CACNA2D3: variants seen among roughly 807,000 people sequenced by gnomAD.
CACNA2D3 encodes the protein calcium voltage-gated channel auxiliary subunit alpha2delta 3.
In CACNA2D3, 60 loss-of-function variants were observed where a neutral mutation model predicts 160.6. The ratio of observed to expected loss-of-function variants is 0.37; its 90% CI spans 0.30 to 0.46. The LOEUF (loss-of-function observed/expected upper bound fraction) is 0.46. Among genes scored for constraint, CACNA2D3 ranks in the 20% least tolerant of loss-of-function variants. The pLI is 1.00. For synonymous variants in CACNA2D3, 558 were observed against 492.9 expected (o/e 1.13, Z -1.75); for missense variants, 1,205 against 1,365.0 (o/e 0.88, Z 1.85).
chr3:54,127,538 A>T (rs1425111198), intron 2 of CACNA2D3, among the ~76,000 whole-genome samples: 1 of 152,224 alleles, frequency 6.6e-6, no homozygotes, highest in Admixed American at 6.5e-5. Flanking sequence ...TGGGAAGCCC[A>T]GCACTCTTCA....
At chr3:54,717,771 G>A (rs908726414) in intron 11 of CACNA2D3, among the ~76,000 whole-genome samples, 2 of 85,126 alleles carry the variant, frequency 2.3e-5, no homozygotes, top group African/African-American at 8.0e-5. Flanking sequence ...CGTGTGTGTG[G>A]TGTGTGTGCA....
At chr3:54,245,855 G>T (rs1702063911) in intron 2 of CACNA2D3, among the ~76,000 whole-genome samples, 1 of 152,218 alleles carries the variant, frequency 6.6e-6, no homozygotes, top group African/African-American at 2.4e-5. Context: ...TTTTAAAAGA[G>T]TGTATTGTCA....
intron 2 of CACNA2D3, among the ~76,000 whole-genome samples, chr3:54,257,656 A>G (rs1356197290): frequency 6.6e-6 from 1 of 152,172 alleles, no homozygotes; most frequent in Non-Finnish European, 1.5e-5. Flanking sequence ...TTTGTGAAAG[A>G]GGGAGTTTGC....
At chr3:54,557,436 A>G (rs1702258084) in intron 5 of CACNA2D3, among the ~76,000 whole-genome samples, 1 of 152,240 alleles carries the variant, frequency 6.6e-6, no homozygotes. Flanking sequence ...CTGGACACCA[A>G]AGAAACCACA....
intron 11 of CACNA2D3, among the ~76,000 whole-genome samples, chr3:54,656,134 C>G (rs1314065948): frequency 6.6e-6 from 1 of 152,192 alleles, no homozygotes; most frequent in Non-Finnish European, 1.5e-5. Flanking sequence ...CAGCAGGTGC[C>G]TCTGAGTAGG....
intron 27 of CACNA2D3, among the ~76,000 whole-genome samples, chr3:54,966,650 C>A (rs1453503171): frequency 6.6e-6 from 1 of 152,132 alleles, no homozygotes; most frequent in African/African-American, 2.4e-5. Context: ...GAAACTTCAC[C>A]TCTACAGAAA....
intron 2 of CACNA2D3, among the ~76,000 whole-genome samples, chr3:54,227,334 C>T (rs1211269792): frequency 6.6e-6 from 1 of 152,004 alleles, no homozygotes; most frequent in African/African-American, 2.4e-5. Context: ...AGCTATTAGG[C>T]CACATTTAGT....
chr3:54,593,855 A>T (rs563936108), intron 9 of CACNA2D3, among the ~76,000 whole-genome samples: 1 of 152,354 alleles, frequency 6.6e-6, no homozygotes, highest in Admixed American at 6.5e-5. Flanking sequence ...AATGCAAAAT[A>T]GTTCCTAATT....
At chr3:54,866,444 G>A (rs984614802) in intron 17 of CACNA2D3, among the ~76,000 whole-genome samples, 8 of 152,140 alleles carry the variant, frequency 5.3e-5, no homozygotes, top group African/African-American at 1.4e-4. Context: ...CCAGATAATC[G>A]CTGGCTGTCA....
intron 13 of CACNA2D3, among the ~76,000 whole-genome samples, chr3:54,811,465 C>CTTTTTTTTT (rs71096451): frequency 9.9e-5 from 11 of 111,608 alleles, no homozygotes; most frequent in East Asian, 3.0e-4. Flanking sequence ...TCCCTCAGTT[C>CTTTTTTTTT]TTTTTTTTTT....
chr3:54,649,305 A>T (rs1270262417), intron 11 of CACNA2D3, among the ~76,000 whole-genome samples: 1 of 152,128 alleles, frequency 6.6e-6, no homozygotes, highest in African/African-American at 2.4e-5. Flanking sequence ...GCTAGACTTG[A>T]CTGCCCCTTG....
At chr3:54,741,308 A>T (rs1701642814) in intron 11 of CACNA2D3, among the ~76,000 whole-genome samples, 1 of 152,116 alleles carries the variant, frequency 6.6e-6, no homozygotes, top group African/African-American at 2.4e-5. Flanking sequence ...ACCTTTGGAG[A>T]TCTCCTCTTA....
intron 11 of CACNA2D3, among the ~76,000 whole-genome samples, chr3:54,659,708 T>G (rs528835775): frequency 1.3e-5 from 2 of 152,274 alleles, no homozygotes; most frequent in South Asian, 4.2e-4. Context: ...GGCTTTCAGG[T>G]GGTAGAATTT....
chr3:54,829,844 A>G (rs1703829216), intron 14 of CACNA2D3, among the ~76,000 whole-genome samples: 1 of 146,544 alleles, frequency 6.8e-6, no homozygotes, highest in Non-Finnish European at 1.5e-5. Flanking sequence ...CTCCCCTGTC[A>G]CATTCTCAGA....
intron 2 of CACNA2D3, among the ~76,000 whole-genome samples, chr3:54,271,698 T>C (rs1301147281): frequency 3.3e-5 from 5 of 152,194 alleles, no homozygotes. Context: ...TTTGTGGTGC[T>C]CTCTCTGGCT....
At chr3:54,777,721 G>A (rs1702450042) in intron 13 of CACNA2D3, among the ~76,000 whole-genome samples, 1 of 152,132 alleles carries the variant, frequency 6.6e-6, no homozygotes, top group Non-Finnish European at 1.5e-5. Context: ...TGTTAAAGGA[G>A]CAGTTGTTTC....
intron 31 of CACNA2D3, among the ~76,000 whole-genome samples, chr3:54,995,437 T>C (rs920050185): frequency 6.6e-6 from 1 of 152,128 alleles, no homozygotes; most frequent in South Asian, 2.1e-4. Flanking sequence ...TTTGGGACCC[T>C]CACGTTACAG....
At chr3:54,756,651 G>C (rs1701976500) in intron 12 of CACNA2D3, among the ~76,000 whole-genome samples, 8 of 152,168 alleles carry the variant, frequency 5.3e-5, no homozygotes, top group Admixed American at 5.2e-4. Context: ...CCTGACCACA[G>C]AATGACCCTG....
intron 35 of CACNA2D3, among the ~76,000 whole-genome samples, chr3:55,021,532 G>A (rs923318350): frequency 1.3e-5 from 2 of 148,926 alleles, no homozygotes; most frequent in African/African-American, 2.5e-5. Context: ...CATTTTATAT[G>A]TATATAGATA....
Sources: gnomAD v4.1 joint callset for allele counts (sites outside exome capture counted in the v4.1 genomes callset) on GRCh38, gnomAD v4.1.1 for gene constraint, MANE v1.5 for transcripts, NCBI Gene and HGNC (gene_info 2026-07-23, HGNC 2026-07-21) for gene names.